Variants in RETREG3 observed in about 807,000 individuals in gnomAD.
RETREG3 encodes the protein reticulophagy regulator 3.
Under a neutral mutation model 50.2 loss-of-function variants are expected in RETREG3, and 23 were observed. The observed-to-expected ratio is 0.46, with a 90% CI of 0.33 to 0.65. The LOEUF (loss-of-function observed/expected upper bound fraction) is 0.65. Ranked by LOEUF, RETREG3 falls within the 30% of genes least tolerant of loss-of-function variation. RETREG3 has a pLI of 0.02. For synonymous variants in RETREG3, 240 were observed against 234.4 expected, an observed-to-expected ratio of 1.02 and a Z score of -0.22; for missense variants, 546 against 598.0, an observed-to-expected ratio of 0.91 and a Z score of 0.91.
At chr17:42,594,614 C>T (rs1187585776) in intron 1 of RETREG3, among the ~76,000 whole-genome samples, 3 of 151,880 alleles carry the variant, frequency 2.0e-5, no homozygotes, top group Admixed American at 6.6e-5. Context: ...GAGGCTGAGG[C>T]GGGCAGATCA....
chr17:42,589,030 G>C (rs912060851), intron 2 of RETREG3, among the ~76,000 whole-genome samples: 8 of 151,792 alleles, frequency 5.3e-5, no homozygotes, highest in African/African-American at 1.9e-4. Context: ...CTCCTTGGGG[G>C]GCTGAGGCAG....
intron 1 of RETREG3, among the ~76,000 whole-genome samples, chr17:42,598,177 T>C (rs1230020972): frequency 1.3e-5 from 2 of 150,612 alleles, no homozygotes; most frequent in Non-Finnish European, 3.0e-5. Context: ...GAGACGGGGT[T>C]TTACCATGTT....
chr17:42,593,605 G>A lies in RETREG3; in HGVS notation c.240-1443C>T, dbSNP rs148444954. Reference sequence around the variant, plus strand: ...GGAGCTTGCAGTGAGCCAAGATCGCGCCACTGCACTCCAGCCTGGGCGACA... The same window carrying A: ...GGAGCTTGCAGTGAGCCAAGATCGCACCACTGCACTCCAGCCTGGGCGACA... On this transcript the variant is annotated intron_variant, in intron 1 of 8. Transcript: ENST00000309428. 7.9e-3 allele frequency among the ~76,000 whole-genome samples: 1,110 copies of A among 140,800 alleles called. 51 individuals are homozygous for A. In the South Asian group the frequency reaches 0.11, roughly 14 times the overall value. The allele number at this position is 140,800 out of a possible 152,430, so 92.4% of individuals were successfully genotyped here.
Position 42,581,758 on chromosome 17 carries a change from T to A in RETREG3, c.*55A>T. The A allele has an allele frequency of 1.4e-6, 2 of 1,455,320 alleles. No individual in the cohort carries two copies. Among genetic ancestry groups the A allele is most frequent in the Non-Finnish European group, 1.8e-6 (2 of 1,081,870 alleles). The allele number at this position is 1,455,320 out of a possible 1,614,324, so 90.2% of individuals were successfully genotyped here. A position where few individuals can be genotyped will look rare whatever the true frequency, so the allele number is the denominator to read the frequency against. On this transcript the variant is annotated 3_prime_UTR_variant, in exon 9 of 9. Transcript: ENST00000309428. ...TCTTCCCTTGCCCCATCACCTTAAG[T>A]GGGATGGGGAGAAAAAAACCTAAAC...
At chr17:42,597,500 TG>T (rs1567925201) in intron 1 of RETREG3, among the ~76,000 whole-genome samples, 9 of 12,446 alleles carry the variant, frequency 7.2e-4, no homozygotes, top group African/African-American at 2.5e-3. Context: ...ATCTATTTTG[TG>T]TGTGTGTGTG....
At chr17:42,583,449 G>C (rs754639313) in intron 7 of RETREG3, 49 bp downstream of exon 7, 1 of 1,580,718 alleles carries the variant, frequency 6.3e-7, no homozygotes, top group Admixed American at 1.7e-5. Context: ...ATGGTTAAAA[G>C]GTAGCTAAAG....
rs756942284 is a variant in RETREG3, at chr17:42,586,903, A to G, written c.378-12T>C. 2 of 1,612,640 alleles carry G rather than the reference A, an allele frequency of 1.2e-6. No homozygotes were observed. Among genetic ancestry groups the G allele is most frequent in the Non-Finnish European group, 1.7e-6 (2 of 1,179,532 alleles). On this transcript the variant is annotated splice_polypyrimidine_tract_variant and intron_variant, in intron 3 of 8. Transcript: ENST00000309428. ...GCACAAAGCCCCAGCTATGGGAGAG[A>G]GAAGGGGGAGCTGTGAAAGGAGGGT...
At chr17:42,599,153 G>A (rs995155895) in intron 1 of RETREG3, 1 of 152,180 alleles carries the variant, frequency 6.6e-6, no homozygotes. Context: ...CTGGGGAAGG[G>A]AAGCAGCAGC....
chr17:42,604,456 G>A (rs560389806), intron 1 of RETREG3, among the ~76,000 whole-genome samples: 27 of 152,180 alleles, frequency 1.8e-4, no homozygotes, highest in Non-Finnish European at 3.5e-4. Flanking sequence ...GGCTGTTAGA[G>A]ATGAGGAGTT....
chr17:42,582,501 C>G (rs535514138), intron 8 of RETREG3, among the ~76,000 whole-genome samples, 173 bp downstream of exon 8: 1 of 152,308 alleles, frequency 6.6e-6, no homozygotes, highest in Admixed American at 6.5e-5. Context: ...CTAAAGTCTT[C>G]AAGAAGGGCA....
intron 1 of RETREG3, among the ~76,000 whole-genome samples, chr17:42,594,822 GGC>G (rs2093140594): frequency 6.6e-6 from 1 of 152,006 alleles, no homozygotes; most frequent in Non-Finnish European, 1.5e-5. Flanking sequence ...CTGCACTCCA[GGC>G]TGGGCGACAG....
intron 2 of RETREG3, among the ~76,000 whole-genome samples, chr17:42,588,403 G>C (rs1390286528): frequency 1.3e-5 from 2 of 151,458 alleles, no homozygotes; most frequent in African/African-American, 4.9e-5. Flanking sequence ...CCACCACAAT[G>C]CCCGGCTAAT....
intron 1 of RETREG3, among the ~76,000 whole-genome samples, chr17:42,606,450 A>C (rs757015568): frequency 1.3e-5 from 2 of 151,558 alleles, no homozygotes; most frequent in Non-Finnish European, 2.9e-5. Context: ...AAATACAAAA[A>C]ATTAGCCGGG....
chr17:42,585,381 C>G, intron 5 of RETREG3, 119 bp from the exon 6 acceptor site: 1 of 1,384,518 alleles, frequency 7.2e-7, no homozygotes, highest in Non-Finnish European at 9.6e-7. Flanking sequence ...CAGATCTGCC[C>G]AAGTCTGCCA....
chr17:42,597,519 GTGTGTATA>G (rs1178510442), intron 1 of RETREG3, among the ~76,000 whole-genome samples: 2 of 117,172 alleles, frequency 1.7e-5, no homozygotes, highest in East Asian at 2.5e-4. Flanking sequence ...GTGTGTGTGT[GTGTGTATA>G]TATATATATA....
intron 1 of RETREG3, among the ~76,000 whole-genome samples, chr17:42,605,689 T>C (rs1413564287): frequency 1.3e-5 from 2 of 152,172 alleles, no homozygotes; most frequent in African/African-American, 4.8e-5. Context: ...ACTGTTCTTT[T>C]AGTCTCAAGA....
chr17:42,609,208 C>G lies in RETREG3; in HGVS notation c.117G>C (p.Gln39His). Reference sequence around the variant, plus strand: ...GCCCCAGCACCTCCACCAGGGCCCGCTGCGCCGCCTCAACCTGCTGGTCCC... The same window carrying G: ...GCCCCAGCACCTCCACCAGGGCCCGGTGCGCCGCCTCAACCTGCTGGTCCC... ...WERDQQVEAAQRALVEVLGPY... is the reference protein window; with the variant it reads ...WERDQQVEAAHRALVEVLGPY... The change falls in exon 1 of 9, where the codon CAG becomes CAC. Residue 39 changes from glutamine to histidine, a missense_variant. By Grantham distance (24) the Gln-to-His change is conservative. Coordinates refer to ENST00000309428, the MANE Select transcript of RETREG3 (RefSeq NM_178126.4). 6.2e-7 allele frequency: 1 copy of G among 1,608,764 alleles called. No individual in the cohort carries two copies. Among genetic ancestry groups the G allele is most frequent in the Non-Finnish European group, 8.5e-7 (1 of 1,179,750 alleles).
In RETREG3 at chr17:42,582,820, C is replaced by G. The variant is rs768057248; in HGVS notation, c.811-14G>C. On this transcript the variant is annotated splice_polypyrimidine_tract_variant and intron_variant, in intron 7 of 8. Coordinates refer to ENST00000309428, the MANE Select transcript of RETREG3 (RefSeq NM_178126.4). ...AGAATCGTCCAGCTTAGGAAAAGAC[C>G]AACAAATGTGAGATAATGCCATCAG... 27 of 1,613,974 alleles carry G rather than the reference C, an allele frequency of 1.7e-5. No homozygotes were observed. In the African/African-American group the frequency reaches 2.8e-4, roughly 17 times the overall value.
At chr17:42,583,951 G>A (rs2093115710) in intron 6 of RETREG3, among the ~76,000 whole-genome samples, 1 of 152,120 alleles carries the variant, frequency 6.6e-6, no homozygotes, top group Non-Finnish European at 1.5e-5. Context: ...GAGATTACAG[G>A]TGCTCACCAT....
Sources: gnomAD v4.1 joint callset for allele counts (sites outside exome capture counted in the v4.1 genomes callset) on GRCh38, gnomAD v4.1.1 for gene constraint, MANE v1.5 for transcripts, NCBI Gene and HGNC (gene_info 2026-07-23, HGNC 2026-07-21) for gene names.